The following ZNF385D variants were observed in gnomAD, a reference collection of about 807,000 sequenced individuals.
The protein encoded by ZNF385D is zinc finger protein 659.
Under a neutral mutation model 35.8 loss-of-function variants are expected in ZNF385D, and 15 were observed. The ratio of observed to expected loss-of-function variants is 0.42; its 90% CI spans 0.28 to 0.64. ZNF385D has a LOEUF of 0.64. Among genes scored for constraint, ZNF385D ranks in the 30% least tolerant of loss-of-function variants. The pLI is 0.23. For synonymous variants in ZNF385D, 212 were observed against 186.8 expected, an observed-to-expected ratio of 1.13 and a Z score of -1.10; for missense variants, 474 against 494.6, an observed-to-expected ratio of 0.96 and a Z score of 0.39.
intron 2 of ZNF385D, among the ~76,000 whole-genome samples, chr3:22,302,663 T>C (rs996436112): frequency 2.0e-5 from 3 of 152,032 alleles, no homozygotes; most frequent in Admixed American, 1.3e-4. Context: ...TGGTATTCTA[T>C]GGAATTTTTA....
chr3:21,994,525 G>A (rs891551783), intron 3 of ZNF385D, among the ~76,000 whole-genome samples: 3 of 150,056 alleles, frequency 2.0e-5, no homozygotes, highest in Non-Finnish European at 4.4e-5. Flanking sequence ...TTTTTTTTTA[G>A]GCATTTCATA....
chr3:22,117,273 G>C (rs1702861031), intron 3 of ZNF385D, among the ~76,000 whole-genome samples: 1 of 152,024 alleles, frequency 6.6e-6, no homozygotes, highest in Non-Finnish European at 1.5e-5. Context: ...TAGGAACTCA[G>C]AGCAATATAC....
rs1314216617 is a variant in ZNF385D at position 21,413,005 on chromosome 3, G to A, written c.*8209C>T. On this transcript the variant is annotated 3_prime_UTR_variant, in exon 8 of 8. Coordinates refer to ENST00000281523, the MANE Select transcript of ZNF385D (RefSeq NM_024697.3). ...AGAAGACTGGCATAAAACAAACTAT[G>A]TGAATTGCCTTAATTATTATTATTA... 1.3e-5 allele frequency: 2 copies of A among 150,008 alleles called. No homozygotes were observed. The highest frequency in any genetic ancestry group is 3.9e-4 in the East Asian group (2 of 5,164). The allele number at this position is 150,008 out of a possible 1,614,324, so 9.3% of individuals were successfully genotyped here.
chr3:21,631,404 A>G (rs2065277542), intron 2 of ZNF385D, among the ~76,000 whole-genome samples: 2 of 152,016 alleles, frequency 1.3e-5, no homozygotes, highest in Admixed American at 1.3e-4. Flanking sequence ...TTATCAGCCT[A>G]TCTCCCCACC....
At chr3:22,056,126 G>T (rs1190075993) in intron 3 of ZNF385D, among the ~76,000 whole-genome samples, 2 of 9,908 alleles carry the variant, frequency 2.0e-4, no homozygotes, top group Admixed American at 1.2e-3. Flanking sequence ...GACTGTGGTG[G>T]GGTCGGGGGA....
At position 22,284,573 on chromosome 3, in the gene ZNF385D, G is replaced by C. The variant is rs1575035500; in HGVS notation, c.106+87877C>G. Among the ~76,000 whole-genome samples, 4 of 151,798 alleles carry C rather than the reference G, an allele frequency of 2.6e-5. No homozygotes were observed. The South Asian group carries it at 8.3e-4, about 32-fold the overall frequency. Reference sequence around the variant, plus strand: ...ATTGTATGGTGGACCACAGAGAAGAGTAATGTTTTAAGAACCGCTAGACAC... The same window carrying C: ...ATTGTATGGTGGACCACAGAGAAGACTAATGTTTTAAGAACCGCTAGACAC... On this transcript the variant is annotated intron_variant, in intron 2 of 5. Transcript: ENST00000494108.
chr3:22,240,327 A>G (rs1357086930), intron 2 of ZNF385D, among the ~76,000 whole-genome samples: 2 of 151,106 alleles, frequency 1.3e-5, no homozygotes, highest in African/African-American at 4.9e-5. Context: ...ACACGGAAAG[A>G]ACACACATAA....
chr3:22,198,718 A>C (rs1426161696), intron 2 of ZNF385D, among the ~76,000 whole-genome samples: 1 of 152,144 alleles, frequency 6.6e-6, no homozygotes, highest in Non-Finnish European at 1.5e-5. Flanking sequence ...GCAGGAAGAC[A>C]TGGTAAGTGA....
intron 2 of ZNF385D, among the ~76,000 whole-genome samples, chr3:22,232,335 A>G (rs887518806): frequency 2.7e-5 from 4 of 148,750 alleles, no homozygotes; most frequent in African/African-American, 9.9e-5. Flanking sequence ...TTTTTTTTTC[A>G]AATTTCCTAC....
chr3:22,151,970 C>T (rs1259712995), intron 3 of ZNF385D, among the ~76,000 whole-genome samples: 1 of 152,086 alleles, frequency 6.6e-6, no homozygotes, highest in Non-Finnish European at 1.5e-5. Flanking sequence ...GCCTAGTACT[C>T]AGTAGTAATT....
chr3:21,857,568 C>T (rs1293772917), intron 3 of ZNF385D, among the ~76,000 whole-genome samples: 2 of 151,752 alleles, frequency 1.3e-5, no homozygotes, highest in African/African-American at 4.8e-5. Flanking sequence ...AAGAGGAAGT[C>T]GTGGGACTAA....
chr3:22,352,046 C>T (rs1271440256), intron 2 of ZNF385D, among the ~76,000 whole-genome samples: 1 of 152,116 alleles, frequency 6.6e-6, no homozygotes, highest in Non-Finnish European at 1.5e-5. Flanking sequence ...CTGAGCCAGC[C>T]ACAAACCTTT....
At chr3:22,034,699 T>G (rs1698206328) in intron 3 of ZNF385D, among the ~76,000 whole-genome samples, 1 of 152,136 alleles carries the variant, frequency 6.6e-6, no homozygotes, top group Admixed American at 6.6e-5. Flanking sequence ...CAGACCTATT[T>G]TAAAGAATAT....
chr3:21,879,064 T>A (rs1295917961), intron 3 of ZNF385D, among the ~76,000 whole-genome samples: 1 of 152,026 alleles, frequency 6.6e-6, no homozygotes, highest in Non-Finnish European at 1.5e-5. Flanking sequence ...TTTCATCATT[T>A]GAATACTTCT....
chr3:22,182,003 A>G (rs1371751430), intron 2 of ZNF385D, among the ~76,000 whole-genome samples: 2 of 152,194 alleles, frequency 1.3e-5, no homozygotes, highest in East Asian at 3.8e-4. Context: ...CATATGAGTG[A>G]GGAGGTGGTT....
At chr3:21,852,193 A>G (rs182875999) in intron 3 of ZNF385D, among the ~76,000 whole-genome samples, 49 of 152,038 alleles carry the variant, frequency 3.2e-4, no homozygotes, top group East Asian at 1.9e-4. Context: ...CTGTTTTTCA[A>G]TGTGAATTTA....
intron 3 of ZNF385D, among the ~76,000 whole-genome samples, chr3:22,162,630 T>A (rs1181275341): frequency 1.3e-5 from 2 of 152,158 alleles, no homozygotes. Flanking sequence ...TCCACCCCCC[T>A]TGCACTACGC....
chr3:22,328,847 G>A (rs1346235936), intron 2 of ZNF385D, among the ~76,000 whole-genome samples: 4 of 151,110 alleles, frequency 2.6e-5, no homozygotes, highest in Non-Finnish European at 4.4e-5. Context: ...AAGCCGAGGC[G>A]GGCGGATCAC....
At chr3:22,025,406 G>A (rs1356479879) in intron 3 of ZNF385D, among the ~76,000 whole-genome samples, 3 of 152,138 alleles carry the variant, frequency 2.0e-5, no homozygotes, top group Non-Finnish European at 1.5e-5. Flanking sequence ...GACCCATGAG[G>A]AGGTGTGCTA....
Sources: allele counts gnomAD v4.1 joint callset (sites outside exome capture counted in the v4.1 genomes callset), GRCh38; gene constraint gnomAD v4.1.1; transcripts MANE v1.5; gene names NCBI Gene and HGNC (gene_info 2026-07-23, HGNC 2026-07-21).